The following MYO1E variants were observed in gnomAD, a reference collection of about 807,000 sequenced individuals.
MYO1E encodes myosin IE.
A neutral mutation model predicts 151.1 loss-of-function variants in MYO1E; 68 were observed. That is an observed-to-expected ratio of 0.45 (90% CI 0.37 to 0.55). The LOEUF (loss-of-function observed/expected upper bound fraction) is 0.55. Ranked by LOEUF, MYO1E falls within the 20% of genes least tolerant of loss-of-function variation. The pLI is 0.00. For synonymous variants in MYO1E, 601 were observed against 501.7 expected (o/e 1.20, Z -2.64); for missense variants, 1,363 against 1,389.3 (o/e 0.98, Z 0.30).
chr15:59,331,927 G>A (rs1441191594), intron 1 of MYO1E, among the ~76,000 whole-genome samples: 1 of 152,172 alleles, frequency 6.6e-6, no homozygotes, highest in Non-Finnish European at 1.5e-5. Flanking sequence ...ATTCAAAAGA[G>A]ATGAAAGGAA....
chr15:59,170,314 C>T (rs1275198487), intron 22 of MYO1E, among the ~76,000 whole-genome samples: 2 of 152,232 alleles, frequency 1.3e-5, no homozygotes, highest in African/African-American at 2.4e-5. Flanking sequence ...CTCGGCACAG[C>T]GACTACACAC....
chr15:59,198,667 A>G (rs1482057458), intron 16 of MYO1E, among the ~76,000 whole-genome samples: 8 of 151,912 alleles, frequency 5.3e-5, no homozygotes, highest in African/African-American at 1.5e-4. Context: ...AAAAATACCA[A>G]AAAATTAGCT....
intron 1 of MYO1E, among the ~76,000 whole-genome samples, chr15:59,296,191 C>G (rs552130040): frequency 6.6e-6 from 1 of 152,334 alleles, no homozygotes; most frequent in African/African-American, 2.4e-5. Flanking sequence ...GGACCCTGCT[C>G]TATGCCAACT....
At position 59,154,113 on chromosome 15, in the gene MYO1E, T is replaced by G. The variant is rs78615742; in HGVS notation, c.2879-322A>C. Among the ~76,000 whole-genome samples the G allele has an allele frequency of 8.5e-3, 1,290 of 152,276 alleles. 31 individuals are homozygous for G. The highest frequency in any genetic ancestry group is 0.029 in the African/African-American group (1,197 of 41,550). On this transcript the variant is annotated intron_variant, in intron 25 of 27. Transcript: ENST00000288235. ...ACACTCAGCACATGCTTGGTGGCAA[T>G]AGAATCCCCAGATTTCCTGGGGTTC... is the stretch of plus-strand genomic sequence containing the variant.
intron 1 of MYO1E, among the ~76,000 whole-genome samples, chr15:59,318,038 A>G (rs2080600260): frequency 6.6e-6 from 1 of 152,220 alleles, no homozygotes; most frequent in Admixed American, 6.5e-5. Flanking sequence ...AAGAGTTTAG[A>G]TCTGCCTAAA....
At chr15:59,200,556 A>AG (rs1226523634) in intron 16 of MYO1E, among the ~76,000 whole-genome samples, 1 of 151,948 alleles carries the variant, frequency 6.6e-6, no homozygotes, top group Non-Finnish European at 1.5e-5. Context: ...TGGGAGTCTG[A>AG]GGTGGATCGC....
chr15:59,191,240 G>A (rs2079730980), intron 17 of MYO1E, among the ~76,000 whole-genome samples: 1 of 151,866 alleles, frequency 6.6e-6, no homozygotes, highest in South Asian at 2.1e-4. Flanking sequence ...CAAATCATGA[G>A]GTCAGGAGTT....
At chr15:59,218,342 A>G in intron 9 of MYO1E, 1 of 613,838 alleles carries the variant, frequency 1.6e-6, no homozygotes, top group Non-Finnish European at 3.0e-6. Context: ...AATAATACAA[A>G]TCAGGGATTC....
At chr15:59,219,889 C>T (rs1046607006) in intron 9 of MYO1E, among the ~76,000 whole-genome samples, 1 of 152,166 alleles carries the variant, frequency 6.6e-6, no homozygotes, top group Non-Finnish European at 1.5e-5. Flanking sequence ...AATATCTTCA[C>T]AGAAGAACTA....
In MYO1E at chr15:59,284,568, G is replaced by A. The variant is rs549741227; in HGVS notation, c.4-12119C>T. On this transcript the variant is annotated intron_variant, in intron 1 of 27. Transcript: ENST00000288235. The stretch of plus-strand genomic sequence containing the variant: ...GGGCTCAATTAATCCTCCCTCCTCA[G>A]CTTCCCTAGTAGCCAGGGCTACAGG... 6.6e-5 allele frequency among the ~76,000 whole-genome samples: 10 copies of A among 151,304 alleles called. No homozygotes were observed. In the South Asian group the frequency reaches 2.1e-3, roughly 32 times the overall value.
chr15:59,366,015 G>A (rs1469502747), intron 1 of MYO1E, among the ~76,000 whole-genome samples: 2 of 152,116 alleles, frequency 1.3e-5, no homozygotes, highest in African/African-American at 2.4e-5. Context: ...TTTCACTCTT[G>A]TTGCCCAGGC....
chr15:59,204,060 T>C (rs1382014615), intron 15 of MYO1E, among the ~76,000 whole-genome samples: 2 of 152,192 alleles, frequency 1.3e-5, no homozygotes, highest in Admixed American at 6.5e-5. Context: ...GCTCTTAAAC[T>C]TGGCAGGAAT....
At chr15:59,196,986 C>CTTTTTTTTTTTTTTTTTT (rs71977305) in intron 16 of MYO1E, among the ~76,000 whole-genome samples, 5 of 71,512 alleles carry the variant, frequency 7.0e-5, no homozygotes, top group Non-Finnish European at 1.2e-4. Context: ...TTAATTACGA[C>CTTTTTTTTTTTTTTTTTT]TTTTTTTTTT....
intron 26 of MYO1E, among the ~76,000 whole-genome samples, chr15:59,143,340 GGGA>G (rs1445432053): frequency 1.3e-5 from 2 of 152,164 alleles, no homozygotes; most frequent in Non-Finnish European, 2.9e-5. Flanking sequence ...GATGGCAGCC[GGGA>G]GGAGTGGGCA....
intron 1 of MYO1E, among the ~76,000 whole-genome samples, chr15:59,331,846 A>G (rs2080700051): frequency 6.6e-6 from 1 of 152,216 alleles, no homozygotes; most frequent in South Asian, 2.1e-4. Flanking sequence ...TTCTGGCTCT[A>G]CAATTCTATA....
intron 14 of MYO1E, chr15:59,206,832 G>C (rs890225391): frequency 8.8e-7 from 1 of 1,139,532 alleles, no homozygotes; most frequent in Non-Finnish European, 1.2e-6. Flanking sequence ...CGGGGCACGC[G>C]CACCTGCCGT....
chr15:59,237,541 G>A (rs1013231361), intron 4 of MYO1E, among the ~76,000 whole-genome samples: 1 of 152,130 alleles, frequency 6.6e-6, no homozygotes, highest in Admixed American at 6.5e-5. Context: ...TACCCTTTGT[G>A]TTACCAGGAT....
intron 1 of MYO1E, among the ~76,000 whole-genome samples, chr15:59,365,891 A>G (rs1162533798): frequency 6.6e-6 from 1 of 152,216 alleles, no homozygotes; most frequent in Non-Finnish European, 1.5e-5. Context: ...GATGTAATAC[A>G]AAGTCTGGTG....
chr15:59,243,529 G>C (rs1330668373), intron 4 of MYO1E, among the ~76,000 whole-genome samples: 4 of 152,184 alleles, frequency 2.6e-5, no homozygotes, highest in African/African-American at 9.7e-5. Flanking sequence ...GGAAGAGCTA[G>C]AAAAGGAGGT....
Sources: allele counts gnomAD v4.1 joint callset (sites outside exome capture counted in the v4.1 genomes callset), GRCh38; gene constraint gnomAD v4.1.1; transcripts MANE v1.5; gene names NCBI Gene and HGNC (gene_info 2026-07-23, HGNC 2026-07-21).